The following ANKS1A variants were observed in gnomAD, a reference collection of about 807,000 sequenced individuals.
ANKS1A encodes the protein ankyrin repeat and sterile alpha motif domain containing 1A, also known as ankyrin repeat and SAM domain-containing protein 1A.
A neutral mutation model predicts 120.3 loss-of-function variants in ANKS1A; 55 were observed. That is an observed-to-expected ratio of 0.46 (90% CI 0.37 to 0.57). The LOEUF (loss-of-function observed/expected upper bound fraction) is 0.57. Ranked by LOEUF, ANKS1A falls within the 20% of genes least tolerant of loss-of-function variation. ANKS1A has a pLI of 0.00. For missense variants in ANKS1A, 1,123 were observed against 1,480.3 expected (o/e 0.76, Z 3.96); for synonymous variants, 590 against 604.7 (o/e 0.98, Z 0.36).
At chr6:35,015,104 G>A (rs906981182) in intron 10 of ANKS1A, among the ~76,000 whole-genome samples, 2 of 152,160 alleles carry the variant, frequency 1.3e-5, no homozygotes, top group Non-Finnish European at 2.9e-5. Flanking sequence ...AAGGATTCAA[G>A]TTTTTCAGGG....
intron 12 of ANKS1A, among the ~76,000 whole-genome samples, chr6:35,056,393 A>G (rs1182492665): frequency 2.0e-5 from 3 of 152,182 alleles, no homozygotes; most frequent in African/African-American, 4.8e-5. Flanking sequence ...GGTTCACACC[A>G]TTCTCTTGCC....
In ANKS1A at chr6:34,889,501, GGGC is replaced by G. The variant is rs1179089809; in HGVS notation, c.111_113del (p.Gly39del). On this transcript the variant is annotated inframe_deletion, in exon 1 of 24. Transcript: ENST00000360359. This position sits in a 1 kb window ranked among gnomAD's most constrained non-coding sequence, Gnocchi z 5.5. Reference sequence around the variant, plus strand: ...GGAAGCGGCTCTCCTCAGGCTTTGGGGGCGGCGGCGGCGGTGGCTCTGGGGGCG... The same window carrying G: ...GGAAGCGGCTCTCCTCAGGCTTTGGGGGCGGCGGCGGTGGCTCTGGGGGCG... 22 of 1,276,644 alleles carry G rather than the reference GGGC, an allele frequency of 1.7e-5. No homozygotes were observed. Among genetic ancestry groups the G allele is most frequent in the South Asian group, 1.4e-4 (4 of 28,838 alleles). 79.1% of individuals were successfully genotyped at this position (1,276,644 alleles called of 1,614,324 possible). A position where few individuals can be genotyped will look rare whatever the true frequency, so the allele number is the denominator to read the frequency against.
the ANKS1A span, among the ~76,000 whole-genome samples, chr6:35,096,675 C>T: frequency 6.6e-6 from 1 of 152,168 alleles, no homozygotes; most frequent in Admixed American, 6.5e-5. Flanking sequence ...ATCTAAAATA[C>T]CAGTCCAGAC....
At chr6:35,091,881 G>C (rs139173334), downstream of ANKS1A, among the ~76,000 whole-genome samples, 38 of 152,340 alleles carry the variant, frequency 2.5e-4, no homozygotes, top group African/African-American at 8.4e-4. Context: ...TGCTATGGTA[G>C]GGATGCAGAG....
intron 10 of ANKS1A, among the ~76,000 whole-genome samples, chr6:35,003,456 G>A (rs1773272907): frequency 6.6e-6 from 1 of 151,750 alleles, no homozygotes; most frequent in African/African-American, 2.4e-5. Context: ...TCTACACATA[G>A]ATAATCAAAG....
chr6:35,079,704 C>A (rs769623804), intron 15 of ANKS1A, 36 bp downstream of exon 15: 2 of 1,613,770 alleles, frequency 1.2e-6, no homozygotes, highest in South Asian at 1.1e-5. Context: ...CTGGACTCTC[C>A]AGAAGTCTGA....
chr6:35,038,077 T>C (rs952126146), intron 11 of ANKS1A, among the ~76,000 whole-genome samples: 2 of 152,138 alleles, frequency 1.3e-5, no homozygotes, highest in African/African-American at 4.8e-5. Flanking sequence ...TTCTGGGCAC[T>C]GGTAAGAGTA....
chr6:34,963,420 A>C (rs1770749240), intron 1 of ANKS1A, among the ~76,000 whole-genome samples: 1 of 152,148 alleles, frequency 6.6e-6, no homozygotes, highest in Non-Finnish European at 1.5e-5. Context: ...AATGTCCTCT[A>C]GGTTGATAAA....
At chr6:34,932,278 C>G (rs1020027767) in intron 1 of ANKS1A, among the ~76,000 whole-genome samples, 1 of 152,210 alleles carries the variant, frequency 6.6e-6, no homozygotes, top group African/African-American at 2.4e-5. Flanking sequence ...CTCGGCCTCC[C>G]GGGTTCAAGC....
At chr6:34,978,570 C>T (rs1157508057) in intron 3 of ANKS1A, among the ~76,000 whole-genome samples, 1 of 152,086 alleles carries the variant, frequency 6.6e-6, no homozygotes, top group Non-Finnish European at 1.5e-5. Flanking sequence ...CTTTGGGAGG[C>T]CGAGGCGGGC....
chr6:35,069,143 T>A (rs1251327277), intron 13 of ANKS1A, among the ~76,000 whole-genome samples: 1 of 152,186 alleles, frequency 6.6e-6, no homozygotes, highest in Non-Finnish European at 1.5e-5. Flanking sequence ...TCAAGGTCGG[T>A]AAGCCCTGGG....
Position 35,060,091 on chromosome 6 carries a change from C to T in ANKS1A, c.2078-56C>T. The stretch of plus-strand genomic sequence containing the variant: ...ATCTATCTTCCTCTGAGTGCCGCTG[C>T]TACCGCCTTAATGGTTTTTCCCTTT... On this transcript the variant is annotated intron_variant, in intron 12 of 23. Coordinates refer to ENST00000360359, the MANE Select transcript of ANKS1A (RefSeq NM_015245.3). This position sits in a 1 kb window ranked among gnomAD's most constrained non-coding sequence, Gnocchi z 4.5. 6.9e-7 allele frequency: 1 copy of T among 1,447,316 alleles called. No individual in the cohort carries two copies. Among genetic ancestry groups the T allele is most frequent in the Non-Finnish European group, 9.6e-7 (1 of 1,042,524 alleles). 89.7% of individuals were successfully genotyped at this position (1,447,316 alleles called of 1,614,324 possible). A position where few individuals can be genotyped will look rare whatever the true frequency, so the allele number is the denominator to read the frequency against.
chr6:35,036,525 G>A (rs1474174487), intron 11 of ANKS1A, among the ~76,000 whole-genome samples: 1 of 152,190 alleles, frequency 6.6e-6, no homozygotes, highest in Non-Finnish European at 1.5e-5. Flanking sequence ...CGCAGACTGG[G>A]TACTTGATAC....
intron 10 of ANKS1A, among the ~76,000 whole-genome samples, chr6:35,008,388 G>GT (rs1773571116): frequency 6.6e-6 from 1 of 151,934 alleles, no homozygotes; most frequent in Non-Finnish European, 1.5e-5. Context: ...AGCTAAAAGT[G>GT]TTTTTTAGAG....
rs1395454934 is a variant in ANKS1A at position 35,082,226 on chromosome 6, G to A, written c.2710-465G>A. 6.6e-6 allele frequency among the ~76,000 whole-genome samples: 1 copy of A among 151,914 alleles called. No individual in the cohort carries two copies. ...GCTGCCAGAAGGATCCATTTGGAAT[G>A]CATTCCTAGGCACGGGCGGGTGCTT... On this transcript the variant is annotated intron_variant, in intron 17 of 23. Transcript: ENST00000360359. The surrounding 1 kb of genome is among the most constrained non-coding windows in gnomAD (Gnocchi z 4.1).
At chr6:34,983,495 T>C in intron 7 of ANKS1A, 70 bp downstream of exon 7, 3 of 1,245,656 alleles carry the variant, frequency 2.4e-6, no homozygotes, top group Non-Finnish European at 3.4e-6. Context: ...GTGGGCAGAA[T>C]GGAAAAATCT....
the ANKS1A span, among the ~76,000 whole-genome samples, chr6:35,097,555 A>G: frequency 3.3e-5 from 5 of 149,664 alleles, no homozygotes; most frequent in East Asian, 1.0e-3. Context: ...GACAATCATT[A>G]GCTCAGAGTA....
intron 12 of ANKS1A, among the ~76,000 whole-genome samples, chr6:35,059,579 G>A (rs1561945915): frequency 6.6e-6 from 1 of 152,254 alleles, no homozygotes; most frequent in Non-Finnish European, 1.5e-5. Flanking sequence ...CCCTCGCTGT[G>A]TGCCTGTGTC....
At chr6:35,032,043 G>T (rs1774935033) in intron 11 of ANKS1A, among the ~76,000 whole-genome samples, 1 of 152,228 alleles carries the variant, frequency 6.6e-6, no homozygotes, top group African/African-American at 2.4e-5. Flanking sequence ...TGGGCATACA[G>T]AAATGAAATT....
Sources: allele counts gnomAD v4.1 joint callset (sites outside exome capture counted in the v4.1 genomes callset), GRCh38; gene constraint gnomAD v4.1.1; non-coding constraint Gnocchi (gnomAD v3.1); transcripts MANE v1.5; gene names NCBI Gene and HGNC (gene_info 2026-07-23, HGNC 2026-07-21).